SORBS2: variants seen among roughly 807,000 people sequenced by gnomAD.
SORBS2 encodes sorbin and SH3 domain containing 2.
In SORBS2, 46 loss-of-function variants were observed where a neutral mutation model predicts 97.7. The ratio of observed to expected loss-of-function variants is 0.47; its 90% CI spans 0.37 to 0.60. SORBS2 has a LOEUF of 0.60. Ranked by LOEUF, SORBS2 falls within the 20% of genes least tolerant of loss-of-function variation. The probability of loss-of-function intolerance (pLI) is 0.00; values close to 1 mark genes in which losing one functional copy is unlikely to be tolerated. For missense variants in SORBS2, 1,316 were observed against 1,282.3 expected (o/e 1.03, Z -0.40); for synonymous variants, 476 against 473.4 (o/e 1.01, Z -0.07).
chr4:185,702,582 C>T (rs778332003), intron 2 of SORBS2, among the ~76,000 whole-genome samples: 1 of 151,972 alleles, frequency 6.6e-6, no homozygotes, highest in Non-Finnish European at 1.5e-5. Flanking sequence ...ACATCAATAG[C>T]GAGGAAGTGG....
chr4:185,665,836 C>T, intron 4 of SORBS2: 2 of 1,149,614 alleles, frequency 1.7e-6, no homozygotes, highest in South Asian at 1.8e-5. Context: ...GTCAGAGTCA[C>T]CAATCTGCAG....
chr4:185,847,239 ATCTGT>A (rs2099215059), intron 1 of SORBS2, among the ~76,000 whole-genome samples: 1 of 152,166 alleles, frequency 6.6e-6, no homozygotes, highest in Non-Finnish European at 1.5e-5. Flanking sequence ...GTAGGAAACA[ATCTGT>A]TCTAAGATAA....
At chr4:185,830,053 G>A (rs1398012067) in intron 1 of SORBS2, among the ~76,000 whole-genome samples, 2 of 152,110 alleles carry the variant, frequency 1.3e-5, no homozygotes, top group Non-Finnish European at 2.9e-5. Flanking sequence ...CCAGGCCCCA[G>A]GTATGATATA....
At chr4:185,678,076 T>C (rs2097821410) in intron 4 of SORBS2, among the ~76,000 whole-genome samples, 1 of 152,210 alleles carries the variant, frequency 6.6e-6, no homozygotes, top group African/African-American at 2.4e-5. Flanking sequence ...AATATAATAG[T>C]TGCATACTCA....
At chr4:185,740,475 G>A (rs2098715357) in intron 2 of SORBS2, 1 of 152,606 alleles carries the variant, frequency 6.6e-6, no homozygotes, top group Non-Finnish European at 1.5e-5. Flanking sequence ...ACTCAAGAAT[G>A]CTCTGTGGCT....
intron 2 of SORBS2, among the ~76,000 whole-genome samples, chr4:185,731,002 T>C (rs1583587147): frequency 6.6e-6 from 1 of 152,248 alleles, no homozygotes; most frequent in African/African-American, 2.4e-5. Flanking sequence ...AATGCTGTTC[T>C]CGGGGAACAA....
At chr4:185,718,556 A>C (rs754086853) in intron 2 of SORBS2, among the ~76,000 whole-genome samples, 7 of 152,218 alleles carry the variant, frequency 4.6e-5, no homozygotes, top group Non-Finnish European at 1.0e-4. Flanking sequence ...TCACCACCTC[A>C]TTCTCCATGA....
chr4:185,623,482 GTGA>G lies in SORBS2; in HGVS notation c.1644_1646del (p.His554del). On this transcript the variant is annotated inframe_deletion, in exon 7 of 15. Transcript: ENST00000418609. This position sits in a 1 kb window ranked among gnomAD's most constrained non-coding sequence, Gnocchi z 6.4. ...TGAGGTGGCGGTGGTGGTGGTGGTG[GTGA>G]TGGTGGTGGTGGTGGCTGGATCCGT... is the stretch of plus-strand genomic sequence containing the variant. 6.2e-7 allele frequency: 1 copy of G among 1,613,076 alleles called. No homozygotes were observed. The highest frequency in any genetic ancestry group is 1.1e-5 in the South Asian group (1 of 91,058).
At chr4:185,881,468 A>G (rs932151813) in intron 1 of SORBS2, among the ~76,000 whole-genome samples, 1 of 152,204 alleles carries the variant, frequency 6.6e-6, no homozygotes, top group Non-Finnish European at 1.5e-5. Flanking sequence ...ATTACTTGAC[A>G]TCAAGCATGA....
intron 4 of SORBS2, chr4:185,677,172 A>T: frequency 1.3e-6 from 2 of 1,551,710 alleles, no homozygotes; most frequent in Non-Finnish European, 1.7e-6. Context: ...TGTCTCAGGC[A>T]CTGGATTAGG....
At chr4:185,827,201 TCAC>T (rs2099200878) in intron 1 of SORBS2, among the ~76,000 whole-genome samples, 1 of 61,234 alleles carries the variant, frequency 1.6e-5, no homozygotes, top group African/African-American at 6.4e-5. Flanking sequence ...ATCATCATCA[TCAC>T]CATCATCACC....
At chr4:185,656,343 A>G (rs972999985) in intron 1 of SORBS2, among the ~76,000 whole-genome samples, 2 of 152,226 alleles carry the variant, frequency 1.3e-5, no homozygotes, top group Non-Finnish European at 2.9e-5. Context: ...TGTATATAAA[A>G]CACATAATCC....
chr4:185,907,507 G>T (rs1345053152), intron 1 of SORBS2, among the ~76,000 whole-genome samples: 1 of 152,156 alleles, frequency 6.6e-6, no homozygotes, highest in Non-Finnish European at 1.5e-5. Context: ...AACACATTTT[G>T]TGGCCTGGAT....
chr4:185,676,901 G>A, intron 4 of SORBS2: 1 of 957,772 alleles, frequency 1.0e-6, no homozygotes, highest in Non-Finnish European at 1.5e-6. Flanking sequence ...TGGAAACTAA[G>A]AAAGCATTAG....
At chr4:185,743,332 C>T (rs1281763433) in intron 2 of SORBS2, among the ~76,000 whole-genome samples, 4 of 152,254 alleles carry the variant, frequency 2.6e-5, no homozygotes, top group South Asian at 2.1e-4. Flanking sequence ...CTGGCATACC[C>T]GCTTGATTCC....
intron 1 of SORBS2, among the ~76,000 whole-genome samples, chr4:185,820,661 C>T (rs975536045): frequency 6.6e-6 from 1 of 152,154 alleles, no homozygotes; most frequent in African/African-American, 2.4e-5. Flanking sequence ...GCGTCTCAGC[C>T]GACACACAGG....
upstream of SORBS2, among the ~76,000 whole-genome samples, chr4:185,659,716 C>A (rs919093825): frequency 1.3e-5 from 2 of 152,140 alleles, no homozygotes; most frequent in Non-Finnish European, 2.9e-5. Flanking sequence ...CCACCGCGCC[C>A]GGCTAAGCTA....
At chr4:185,928,558 T>G (rs954099755) in intron 1 of SORBS2, among the ~76,000 whole-genome samples, 9 of 152,124 alleles carry the variant, frequency 5.9e-5, no homozygotes, top group Non-Finnish European at 1.3e-4. Context: ...TCTTCTTCTT[T>G]TTTTTGAGAC....
In SORBS2 at chr4:185,678,637, T is replaced by A. The variant is rs1582555357; in HGVS notation, c.-170-90A>T. The A allele has an allele frequency of 4.3e-6, 6 of 1,381,122 alleles. No individual in the cohort carries two copies. The East Asian group carries it at 1.5e-4, about 35-fold the overall frequency. The allele number at this position is 1,381,122 out of a possible 1,614,324, so 85.6% of individuals were successfully genotyped here. On this transcript the variant is annotated intron_variant, in intron 3 of 20. Coordinates refer to the SORBS2 transcript ENST00000284776. ...ATTTATTTTTATTTCCAAAATCATT[T>A]TTATTTCCAAAATTGTAGTGTTCTT...
Sources: gnomAD v4.1 joint callset for allele counts (sites outside exome capture counted in the v4.1 genomes callset) on GRCh38, gnomAD v4.1.1 for gene constraint, Gnocchi (gnomAD v3.1) non-coding constraint, MANE v1.5 for transcripts, NCBI Gene and HGNC (gene_info 2026-07-23, HGNC 2026-07-21) for gene names.